AK5: variants seen among roughly 807,000 people sequenced by gnomAD.
AK5 encodes the protein adenylate kinase 5, also known as adenylate kinase isoenzyme 5.
Under a neutral mutation model 69.5 loss-of-function variants are expected in AK5, and 27 were observed. The ratio of observed to expected loss-of-function variants is 0.39; its 90% CI spans 0.29 to 0.54. The LOEUF (loss-of-function observed/expected upper bound fraction) is 0.54, where lower values mean the gene tolerates loss of function less well. AK5 is among the 20% of genes least tolerant of loss of function. The probability of loss-of-function intolerance (pLI) is 0.71; values close to 1 mark genes in which losing one functional copy is unlikely to be tolerated. For missense variants in AK5, 531 were observed against 700.4 expected (o/e 0.76, Z 2.73); for synonymous variants, 260 against 244.4 (o/e 1.06, Z -0.60).
At chr1:77,402,687 G>T (rs1000751468) in intron 6 of AK5, among the ~76,000 whole-genome samples, 8 of 151,200 alleles carry the variant, frequency 5.3e-5, no homozygotes, top group Non-Finnish European at 1.2e-4. Context: ...TCTTAATCCA[G>T]TCTATCATTG....
intron 6 of AK5, among the ~76,000 whole-genome samples, chr1:77,362,899 A>T (rs1423944898): frequency 6.6e-6 from 1 of 152,190 alleles, no homozygotes; most frequent in Non-Finnish European, 1.5e-5. Flanking sequence ...ACTCTTAGAA[A>T]TCTGTCCTGA....
intron 10 of AK5, among the ~76,000 whole-genome samples, chr1:77,507,070 A>G (rs1333837321): frequency 6.6e-6 from 1 of 152,208 alleles, no homozygotes; most frequent in Non-Finnish European, 1.5e-5. Flanking sequence ...ATGAAAATAC[A>G]AGAGCCATAG....
chr1:77,521,406 T>C (rs1272085251), intron 11 of AK5, among the ~76,000 whole-genome samples: 1 of 152,150 alleles, frequency 6.6e-6, no homozygotes, highest in East Asian at 1.9e-4. Flanking sequence ...CATGCTAGGA[T>C]TACAGGCATG....
intron 6 of AK5, among the ~76,000 whole-genome samples, chr1:77,395,832 A>G (rs1186535128): frequency 6.6e-6 from 1 of 152,226 alleles, no homozygotes; most frequent in Non-Finnish European, 1.5e-5. Context: ...CAGAAAGAGC[A>G]TCGTCTATTT....
chr1:77,540,024 G>A (rs1373090480), intron 13 of AK5, among the ~76,000 whole-genome samples: 3 of 152,152 alleles, frequency 2.0e-5, no homozygotes, highest in Admixed American at 6.5e-5. Flanking sequence ...CACAAGCACC[G>A]CCCTCAGGCC....
chr1:77,540,537 C>A (rs532562837), intron 13 of AK5: 1 of 152,298 alleles, frequency 6.6e-6, no homozygotes, highest in East Asian at 1.9e-4. Flanking sequence ...TTTTCTTTCA[C>A]CTTAGTGAGA....
At chr1:77,531,752 G>T (rs1570320001) in intron 12 of AK5, among the ~76,000 whole-genome samples, 1 of 151,064 alleles carries the variant, frequency 6.6e-6, no homozygotes, top group Non-Finnish European at 1.5e-5. Context: ...CCAGTCCCGC[G>T]CCCTGCGCCC....
intron 5 of AK5, 98 bp from the exon 6 acceptor site, chr1:77,340,279 T>C (rs1375258058): frequency 3.3e-6 from 4 of 1,223,700 alleles, no homozygotes; most frequent in African/African-American, 3.0e-5. Context: ...GCCAAATATA[T>C]GGCAGCCTCC....
intron 8 of AK5, among the ~76,000 whole-genome samples, chr1:77,463,570 T>TAA (rs3077577): frequency 0.07 from 10,382 of 147,306 alleles, 429 homozygotes; most frequent in South Asian, 0.1. Flanking sequence ...TGTTTAGCTT[T>TAA]AAAAAAAAAA....
intron 5 of AK5, among the ~76,000 whole-genome samples, chr1:77,332,400 T>C (rs1347981886): frequency 1.4e-5 from 2 of 146,882 alleles, no homozygotes; most frequent in Non-Finnish European, 3.0e-5. Flanking sequence ...GTCTAAATTT[T>C]TCTTTTTTTT....
At chr1:77,351,223 A>G (rs1265885310) in intron 6 of AK5, among the ~76,000 whole-genome samples, 1 of 151,908 alleles carries the variant, frequency 6.6e-6, no homozygotes, top group African/African-American at 2.4e-5. Context: ...GCGAAACCCC[A>G]TCTCTACCAA....
chr1:77,446,353 A>T (rs1652752249), intron 8 of AK5, among the ~76,000 whole-genome samples: 1 of 152,232 alleles, frequency 6.6e-6, no homozygotes, highest in Admixed American at 6.5e-5. Flanking sequence ...ATTTCAAATC[A>T]GGAAGTGTGA....
At chr1:77,471,016 G>A (rs1287013920) in intron 8 of AK5, among the ~76,000 whole-genome samples, 5 of 149,484 alleles carry the variant, frequency 3.3e-5, no homozygotes, top group Non-Finnish European at 5.9e-5. Flanking sequence ...GAGTAGCTGG[G>A]ACTAAAGGCG....
At chr1:77,443,765 G>GA (rs987728925) in intron 8 of AK5, among the ~76,000 whole-genome samples, 1 of 147,596 alleles carries the variant, frequency 6.8e-6, no homozygotes, top group Non-Finnish European at 1.5e-5. Context: ...TCTAAATCAA[G>GA]AAAAATATTT....
At chr1:77,332,514 G>T (rs1661141846) in intron 5 of AK5, among the ~76,000 whole-genome samples, 1 of 149,574 alleles carries the variant, frequency 6.7e-6, no homozygotes, top group Admixed American at 6.6e-5. Context: ...TTTTGCCATG[G>T]TGATTTTTCA....
chr1:77,282,675 C>G (rs1658127022), intron 1 of AK5: 2 of 1,146,798 alleles, frequency 1.7e-6, no homozygotes, highest in East Asian at 5.2e-5. Flanking sequence ...GGGTGGGCTG[C>G]AGACCGCGGC....
intron 6 of AK5, among the ~76,000 whole-genome samples, chr1:77,345,675 C>T (rs1244620381): frequency 2.0e-5 from 3 of 152,308 alleles, no homozygotes; most frequent in African/African-American, 7.2e-5. Flanking sequence ...TCAAACTACA[C>T]CATTGTTTAT....
At chr1:77,375,900 T>C (rs11162327) in intron 6 of AK5, among the ~76,000 whole-genome samples, 82,933 of 151,974 alleles carry the variant, frequency 0.55, 23,978 homozygotes, top group East Asian at 0.82. Flanking sequence ...ACCCCTGTTT[T>C]CTCATCTGTG....
intron 12 of AK5, among the ~76,000 whole-genome samples, chr1:77,531,209 C>T (rs746115939): frequency 7.9e-5 from 12 of 152,110 alleles, no homozygotes; most frequent in Non-Finnish European, 8.8e-5. Flanking sequence ...TGCAGACCTT[C>T]GCAGTGTTAC....
Sources: allele counts gnomAD v4.1 joint callset (sites outside exome capture counted in the v4.1 genomes callset), GRCh38; gene constraint gnomAD v4.1.1; transcripts MANE v1.5; gene names NCBI Gene and HGNC (gene_info 2026-07-23, HGNC 2026-07-21).